The following CCNG2 variants were observed in gnomAD, a reference collection of about 807,000 sequenced individuals.
CCNG2 encodes the protein cyclin G2, also known as cyclin-G2.
CCNG2 carries 20 observed loss-of-function variants against 36.5 expected under a neutral mutation model. The ratio of observed to expected loss-of-function variants is 0.55; its 90% CI spans 0.39 to 0.80. The LOEUF (loss-of-function observed/expected upper bound fraction) is 0.80, where lower values mean the gene tolerates loss of function less well. Ranked by LOEUF, CCNG2 falls within the 30% of genes least tolerant of loss-of-function variation. CCNG2 has a pLI of 0.00. For missense variants in CCNG2, 358 were observed against 390.8 expected (o/e 0.92, Z 0.71); for synonymous variants, 155 against 140.1 (o/e 1.11, Z -0.75).
Position 77,166,134 on chromosome 4 carries a change from CT to C in CCNG2, c.*213del, listed in dbSNP as rs1244522879. 4.1e-5 allele frequency: 15 copies of C among 364,460 alleles called. No individual in the cohort carries two copies. The highest frequency in any genetic ancestry group is 2.7e-4 in the African/African-American group (13 of 47,658). 22.6% of individuals were successfully genotyped at this position (364,460 alleles called of 1,614,324 possible). ...AGTGCCTCTTAAACCATTAACAGTA[CT>C]TTAGACATTGGCACTTTATTTTTCT... On this transcript the variant is annotated 3_prime_UTR_variant, in exon 8 of 8. Transcript: ENST00000316355.
chr4:77,158,366 TGG>T (rs575995708), intron 1 of CCNG2, 165 bp from the exon 2 acceptor site: 28 of 622,514 alleles, frequency 4.5e-5, no homozygotes, highest in Non-Finnish European at 7.3e-5. Context: ...CTGGCCGTGG[TGG>T]GGATTGCCCT....
At chr4:77,158,408 C>G (rs1304005780) in intron 1 of CCNG2, 125 bp from the exon 2 acceptor site, 3 of 912,756 alleles carry the variant, frequency 3.3e-6, no homozygotes, top group Non-Finnish European at 5.2e-6. Flanking sequence ...CTGGTCCCTT[C>G]ACCCGCTCCT....
chr4:77,161,097 A>AAC, intron 4 of CCNG2, 126 bp downstream of exon 4: 2 of 475,136 alleles, frequency 4.2e-6, no homozygotes, highest in East Asian at 4.0e-5. Context: ...TTATTGGTAA[A>AAC]TCTTTTTTTT....
chr4:77,160,616 CTTGA>C (rs1731406118), intron 3 of CCNG2, 101 bp from the exon 4 acceptor site: 9 of 1,149,138 alleles, frequency 7.8e-6, no homozygotes, highest in African/African-American at 1.6e-5. Flanking sequence ...AGAGAAACAA[CTTGA>C]TTGTGTTCTG....
Position 77,164,456 on chromosome 4 carries a change from G to C in CCNG2, c.888G>C (p.Gly296=). ...SVPELPTIPE[G]GCFDESESED... ...CTGAGCTGCCAACGATACCTGAGGG[G>C]GGTTGTTTTGATGAAAGTGAAAGGT... The change falls in exon 7 of 8, where the codon GGG becomes GGC. Residue 296 remains glycine (G), a synonymous_variant. Transcript: ENST00000316355. 1.4e-5 allele frequency: 23 copies of C among 1,613,714 alleles called. No individual in the cohort carries two copies. The highest frequency in any genetic ancestry group is 1.9e-5 in the Non-Finnish European group (22 of 1,179,754).
chr4:77,164,115 T>TG (rs1258156508), intron 6 of CCNG2, among the ~76,000 whole-genome samples, 159 bp from the exon 7 acceptor site: 3 of 152,198 alleles, frequency 2.0e-5, no homozygotes, highest in Non-Finnish European at 2.9e-5. Context: ...ATGCCCATGT[T>TG]GCACTCATTG....
chr4:77,160,911 C>T lies in CCNG2; in HGVS notation c.467C>T (p.Thr156Ile). ...AAATTGCACTATGAATTGGAAGCTACTACTGCCTTAAACTTTTTGCACTTA... is the reference window on the plus strand; with the variant it reads ...AAATTGCACTATGAATTGGAAGCTATTACTGCCTTAAACTTTTTGCACTTA... ...SEKLHYELEA[T>I]TALNFLHLYH... The change falls in exon 4 of 8, where the codon ACT (threonine) becomes ATT (isoleucine). Residue 156 changes from threonine (T) to isoleucine (I), a missense_variant. By Grantham distance (89) the Thr-to-Ile change is moderately conservative. Transcript: ENST00000316355. 6.2e-7 allele frequency: 1 copy of T among 1,610,956 alleles called. No individual in the cohort carries two copies. Among genetic ancestry groups the T allele is most frequent in the South Asian group, 1.1e-5 (1 of 91,056 alleles).
chr4:77,157,989 C>G (rs1731312851), intron 1 of CCNG2, among the ~76,000 whole-genome samples: 2 of 152,178 alleles, frequency 1.3e-5, no homozygotes, highest in South Asian at 2.1e-4. Flanking sequence ...GGAATCGGCG[C>G]TGCAGCAGCG....
Position 77,166,853 on chromosome 4 carries a change from C to T in CCNG2, c.*929C>T, listed in dbSNP as rs1731645120. 6.6e-6 allele frequency: 1 copy of T among 151,908 alleles called. No homozygotes were observed. The highest frequency in any genetic ancestry group is 2.4e-5 in the African/African-American group (1 of 41,314). The allele number at this position is 151,908 out of a possible 1,614,324, so 9.4% of individuals were successfully genotyped here. On this transcript the variant is annotated 3_prime_UTR_variant, in exon 8 of 8. Transcript: ENST00000316355. Reference sequence around the variant, plus strand: ...GTGCCAAGATTGAATATGAAGAACCCGAGTGTTTGTAGTATTATAGTTTTA... The same window carrying T: ...GTGCCAAGATTGAATATGAAGAACCTGAGTGTTTGTAGTATTATAGTTTTA...
rs920719183 is a variant in CCNG2 at position 77,168,830 on chromosome 4, C to T, written c.*2906C>T. On this transcript the variant is annotated 3_prime_UTR_variant, in exon 8 of 8. Transcript: ENST00000316355. ...ATGAATAAAATTGAGAAGCCCCTGC[C>T]CTTTTCAGAGCAGAGGGTGAGGAGA... is the stretch of plus-strand genomic sequence containing the variant. 1 of 152,204 alleles carries T rather than the reference C, an allele frequency of 6.6e-6. No homozygotes were observed. 9.4% of individuals were successfully genotyped at this position (152,204 alleles called of 1,614,324 possible). A position where few individuals can be genotyped will look rare whatever the true frequency, so the allele number is the denominator to read the frequency against.
At position 77,167,426 on chromosome 4, in the gene CCNG2, C is replaced by G. The variant is rs1012884858; in HGVS notation, c.*1502C>G. On this transcript the variant is annotated 3_prime_UTR_variant, in exon 8 of 8. Transcript: ENST00000316355. ...GTGGGATGGACTCATTAAGTATGCT[C>G]TCAGAGACTGGTATATTACCAGAAT... The G allele has an allele frequency of 6.6e-6, 1 of 152,180 alleles. No homozygotes were observed. The highest frequency in any genetic ancestry group is 2.4e-5 in the African/African-American group (1 of 41,442). The allele number at this position is 152,180 out of a possible 1,614,324, so 9.4% of individuals were successfully genotyped here. A position where few individuals can be genotyped will look rare whatever the true frequency, so the allele number is the denominator to read the frequency against.
chr4:77,163,654 G>C (rs1052874698), intron 6 of CCNG2, among the ~76,000 whole-genome samples: 1 of 152,126 alleles, frequency 6.6e-6, no homozygotes, highest in Non-Finnish European at 1.5e-5. Context: ...TAAACTGAAG[G>C]CATTCCGAAG....
rs1327103859 is a variant in CCNG2, at chr4:77,166,767, T to C, written c.*843T>C. 6.6e-6 allele frequency: 1 copy of C among 152,220 alleles called. No individual in the cohort carries two copies. The highest frequency in any genetic ancestry group is 2.4e-5 in the African/African-American group (1 of 41,474). The allele number at this position is 152,220 out of a possible 1,614,324, so 9.4% of individuals were successfully genotyped here. ...GCATTTTCTTATATTAAAAAATGTC[T>C]GCATGATTACATTTTATTTCCTTTG... is the stretch of plus-strand genomic sequence containing the variant. On this transcript the variant is annotated 3_prime_UTR_variant, in exon 8 of 8. Transcript: ENST00000316355.
intron 6 of CCNG2, among the ~76,000 whole-genome samples, chr4:77,163,368 A>C (rs1038221992): frequency 6.6e-6 from 1 of 152,182 alleles, no homozygotes; most frequent in African/African-American, 2.4e-5. Flanking sequence ...ATGAAAATTG[A>C]AGGTCATTGG....
rs190236741 is a variant in CCNG2, at chr4:77,163,711, C to A, written c.706-563C>A. 4.7e-3 allele frequency among the ~76,000 whole-genome samples: 711 copies of A among 152,288 alleles called. 5 individuals are homozygous for A. Among genetic ancestry groups the A allele is most frequent in the African/African-American group, 0.017 (689 of 41,550 alleles). ...AAAAGAAAAACAAAAAAGAAATAAA[C>A]TGGAGCACTGCCCAGTGGTGGCGGA... On this transcript the variant is annotated intron_variant, in intron 6 of 7. Transcript: ENST00000316355.
At position 77,159,524 on chromosome 4, in the gene CCNG2, A is replaced by C; in HGVS notation, c.276+20A>C. On this transcript the variant is annotated intron_variant, in intron 3 of 7. Transcript: ENST00000316355. ...ATGAAGGTATTTCATCATTTTTATA[A>C]ATATGTCTTCCTTTTTCTATGCCCA... 1 of 1,607,164 alleles carries C rather than the reference A, an allele frequency of 6.2e-7. No homozygotes were observed. Among genetic ancestry groups the C allele is most frequent in the Non-Finnish European group, 8.5e-7 (1 of 1,176,992 alleles).
intron 6 of CCNG2, 74 bp from the exon 7 acceptor site, chr4:77,164,200 C>T (rs1328414591): frequency 5.8e-6 from 6 of 1,039,148 alleles, no homozygotes; most frequent in Non-Finnish European, 8.9e-6. Flanking sequence ...TTTTTCATAG[C>T]TCACCTAGTG....
chr4:77,157,404 G>A lies in CCNG2; in HGVS notation c.-103G>A, dbSNP rs1441413994. On this transcript the variant is annotated 5_prime_UTR_variant, in exon 1 of 8. Coordinates refer to ENST00000316355, the MANE Select transcript of CCNG2 (RefSeq NM_004354.3). ...GATGCCGGACCGGGGGCACCGCTGA[G>A]GCGGTGGGTCCCCGACCTGCGAGAC... The A allele has an allele frequency of 6.6e-6, 1 of 152,468 alleles. No homozygotes were observed. The highest frequency in any genetic ancestry group is 1.5e-5 in the Non-Finnish European group (1 of 68,266). 9.4% of individuals were successfully genotyped at this position (152,468 alleles called of 1,614,324 possible).
intron 1 of CCNG2, among the ~76,000 whole-genome samples, chr4:77,158,141 A>T (rs1220144299): frequency 6.7e-6 from 1 of 150,266 alleles, no homozygotes; most frequent in Non-Finnish European, 1.5e-5. Flanking sequence ...ATTGTGCAAC[A>T]CCCCATCCCC....
Sources: gnomAD v4.1 joint callset for allele counts (sites outside exome capture counted in the v4.1 genomes callset) on GRCh38, gnomAD v4.1.1 for gene constraint, MANE v1.5 for transcripts, NCBI Gene and HGNC (gene_info 2026-07-23, HGNC 2026-07-21) for gene names.